The following ARB2A variants were observed in gnomAD, a reference collection of about 807,000 sequenced individuals.
ARB2A encodes the protein cotranscriptional regulator ARB2A.
At chr5:93,950,119 G>A in the ARB2A span, among the ~76,000 whole-genome samples, 1 of 152,124 alleles carries the variant, frequency 6.6e-6, no homozygotes, top group Non-Finnish European at 1.5e-5. Context: ...TCTGCTGATG[G>A]ACACTTAGGT....
chr5:93,752,861 C>A, the ARB2A span, among the ~76,000 whole-genome samples: 1 of 152,050 alleles, frequency 6.6e-6, no homozygotes, highest in African/African-American at 2.4e-5. Flanking sequence ...TTATCCCTTA[C>A]GTTAACTAAT....
At chr5:93,742,081 T>C in the ARB2A span, among the ~76,000 whole-genome samples, 1 of 152,166 alleles carries the variant, frequency 6.6e-6, no homozygotes, top group African/African-American at 2.4e-5. Context: ...CCAGTCCCTG[T>C]GCCCTAAGAA....
chr5:93,804,903 A>T, the ARB2A span: 1 of 926,558 alleles, frequency 1.1e-6, no homozygotes, highest in Admixed American at 6.2e-5. Flanking sequence ...ATTAAAACTT[A>T]AGTTTAAGTA....
chr5:93,820,849 G>C, the ARB2A span, among the ~76,000 whole-genome samples: 1 of 152,108 alleles, frequency 6.6e-6, no homozygotes. Flanking sequence ...AGAGAGTTCA[G>C]AGAATTGGAA....
At chr5:93,744,499 A>T in the ARB2A span, among the ~76,000 whole-genome samples, 2 of 149,118 alleles carry the variant, frequency 1.3e-5, no homozygotes, top group African/African-American at 5.0e-5. Context: ...GGTTTTTAAA[A>T]TTTACTTGGA....
At chr5:93,925,983 C>CTTTACA in the ARB2A span, among the ~76,000 whole-genome samples, 1 of 152,072 alleles carries the variant, frequency 6.6e-6, no homozygotes, top group African/African-American at 2.4e-5. Flanking sequence ...ATAAGTGTAC[C>CTTTACA]TTTACAATAT....
At chr5:93,825,370 A>G in the ARB2A span, among the ~76,000 whole-genome samples, 2 of 152,140 alleles carry the variant, frequency 1.3e-5, no homozygotes, top group Non-Finnish European at 2.9e-5. Context: ...CATCTTCAAC[A>G]ATGTTCTGTC....
the ARB2A span, among the ~76,000 whole-genome samples, chr5:93,617,750 T>C: frequency 1.3e-5 from 2 of 152,162 alleles, no homozygotes; most frequent in African/African-American, 4.8e-5. Context: ...CATTTATTTA[T>C]GGCATATTCA....
At chr5:93,919,370 GA>G in the ARB2A span, among the ~76,000 whole-genome samples, 1 of 152,034 alleles carries the variant, frequency 6.6e-6, no homozygotes, top group South Asian at 2.1e-4. Flanking sequence ...CTAGAAGAGA[GA>G]AGAATCAATT....
At chr5:93,889,340 T>C in the ARB2A span, among the ~76,000 whole-genome samples, 1 of 151,932 alleles carries the variant, frequency 6.6e-6, no homozygotes, top group South Asian at 2.1e-4. Context: ...GTAACATCAT[T>C]TCATAATCTA....
the ARB2A span, among the ~76,000 whole-genome samples, chr5:94,019,732 A>G: frequency 1.3e-5 from 2 of 152,206 alleles, no homozygotes; most frequent in South Asian, 2.1e-4. Flanking sequence ...GCAATTCCTC[A>G]AGGATCTAGA....
At chr5:93,992,804 A>C in the ARB2A span, among the ~76,000 whole-genome samples, 1 of 152,110 alleles carries the variant, frequency 6.6e-6, no homozygotes, top group Non-Finnish European at 1.5e-5. Flanking sequence ...TATCAAAAGA[A>C]TGGTAATTCT....
chr5:93,900,073 C>A, the ARB2A span, among the ~76,000 whole-genome samples: 1 of 152,094 alleles, frequency 6.6e-6, no homozygotes. Context: ...CTAATATGGA[C>A]AACTCTTTCA....
At chr5:93,998,336 T>G in the ARB2A span, among the ~76,000 whole-genome samples, 1 of 151,928 alleles carries the variant, frequency 6.6e-6, no homozygotes, top group Non-Finnish European at 1.5e-5. Flanking sequence ...GTAATAGAAT[T>G]TATCCTAATT....
At chr5:94,046,622 T>C in the ARB2A span, among the ~76,000 whole-genome samples, 5 of 152,158 alleles carry the variant, frequency 3.3e-5, no homozygotes, top group South Asian at 4.1e-4. Context: ...CCCTCCCCTA[T>C]CTTAAAGTGC....
At chr5:93,715,409 T>C in the ARB2A span, among the ~76,000 whole-genome samples, 1 of 152,216 alleles carries the variant, frequency 6.6e-6, no homozygotes, top group Non-Finnish European at 1.5e-5. Context: ...CATGTGTTAC[T>C]GCAGTTCTAC....
At chr5:93,878,434 G>C in the ARB2A span, among the ~76,000 whole-genome samples, 7 of 152,100 alleles carry the variant, frequency 4.6e-5, no homozygotes, top group Admixed American at 4.6e-4. Flanking sequence ...GGGTGTGTGT[G>C]TGTGTGTTTA....
At chr5:93,645,576 GA>G in the ARB2A span, among the ~76,000 whole-genome samples, 393 of 90,050 alleles carry the variant, frequency 4.4e-3, no homozygotes, top group East Asian at 7.1e-3. Flanking sequence ...CCGTCTCAAA[GA>G]AAAAAAAAAA....
At chr5:93,827,727 T>G in the ARB2A span, among the ~76,000 whole-genome samples, 27 of 151,932 alleles carry the variant, frequency 1.8e-4, no homozygotes, top group South Asian at 4.2e-4. Context: ...TTTATGGTTT[T>G]AGGTCTAACG....
Sources: allele counts gnomAD v4.1 joint callset (sites outside exome capture counted in the v4.1 genomes callset), GRCh38; gene constraint gnomAD v4.1.1; transcripts MANE v1.5; gene names NCBI Gene and HGNC (gene_info 2026-07-23, HGNC 2026-07-21).